Variants in PTPRM observed in about 807,000 individuals in gnomAD.
The protein encoded by PTPRM is receptor-type tyrosine-protein phosphatase mu.
PTPRM carries 47 observed loss-of-function variants against 186.7 expected under a neutral mutation model. The observed-to-expected ratio is 0.25, with a 90% confidence interval of 0.20 to 0.32. The LOEUF is 0.32. PTPRM is among the 10% of genes least tolerant of loss of function. The pLI, the probability that PTPRM is intolerant of heterozygous loss-of-function variation, is 1.00. For synonymous variants in PTPRM, 668 were observed against 674.9 expected (o/e 0.99, Z 0.16); for missense variants, 1,494 against 1,865.0 (o/e 0.80, Z 3.66).
intron 1 of PTPRM, among the ~76,000 whole-genome samples, chr18:7,730,871 G>C (rs1268612190): frequency 2.6e-5 from 4 of 152,126 alleles, no homozygotes; most frequent in African/African-American, 9.7e-5. Flanking sequence ...AAGGTTTCTG[G>C]CCTTCCCCTT....
intron 20 of PTPRM, among the ~76,000 whole-genome samples, chr18:8,305,192 A>G (rs909165314): frequency 6.6e-5 from 10 of 152,126 alleles, no homozygotes; most frequent in Admixed American, 4.6e-4. Flanking sequence ...TTTGCCCACC[A>G]TTCTTCAGTC....
chr18:8,271,939 C>T (rs887554325), intron 19 of PTPRM, among the ~76,000 whole-genome samples: 2 of 152,090 alleles, frequency 1.3e-5, no homozygotes, highest in African/African-American at 4.8e-5. Flanking sequence ...TGGCTGAGCG[C>T]AGTGGCTCAC....
chr18:8,006,409 A>T (rs1378419653), intron 7 of PTPRM, among the ~76,000 whole-genome samples: 2 of 152,158 alleles, frequency 1.3e-5, no homozygotes, highest in Non-Finnish European at 2.9e-5. Flanking sequence ...AGCAGGAAGC[A>T]TTTGCATATT....
chr18:7,864,753 T>TG (rs1207043541), intron 2 of PTPRM, among the ~76,000 whole-genome samples: 20 of 152,234 alleles, frequency 1.3e-4, no homozygotes, highest in Non-Finnish European at 2.8e-4. Flanking sequence ...GGTAGCTTGA[T>TG]GGGGATAGCA....
intron 3 of PTPRM, among the ~76,000 whole-genome samples, chr18:7,902,003 G>T (rs2049717081): frequency 6.6e-6 from 1 of 152,154 alleles, no homozygotes; most frequent in Admixed American, 6.5e-5. Context: ...TGACACAAAT[G>T]TATGACATAA....
At chr18:8,266,771 G>A (rs765706110) in intron 19 of PTPRM, among the ~76,000 whole-genome samples, 2 of 152,082 alleles carry the variant, frequency 1.3e-5, no homozygotes, top group African/African-American at 2.4e-5. Context: ...AGCCAGGTGT[G>A]GTGGCAGGTA....
chr18:7,927,859 G>A (rs1289191834), intron 5 of PTPRM, among the ~76,000 whole-genome samples: 3 of 152,100 alleles, frequency 2.0e-5, no homozygotes, highest in African/African-American at 7.2e-5. Flanking sequence ...TCCTGCCTCA[G>A]CCTCCCAAGT....
At chr18:8,322,087 T>C (rs2095349251) in intron 22 of PTPRM, among the ~76,000 whole-genome samples, 2 of 152,210 alleles carry the variant, frequency 1.3e-5, no homozygotes, top group African/African-American at 4.8e-5. Flanking sequence ...GCTCTATTTG[T>C]CCTGTGTTTT....
intron 1 of PTPRM, among the ~76,000 whole-genome samples, chr18:7,688,031 T>C (rs140399883): frequency 3.3e-5 from 5 of 152,210 alleles, no homozygotes; most frequent in East Asian, 1.9e-4. Flanking sequence ...CCGTCTCAGC[T>C]TCCCAAAGTG....
intron 2 of PTPRM, among the ~76,000 whole-genome samples, chr18:7,861,078 G>T (rs1037338200): frequency 4.6e-5 from 7 of 152,066 alleles, no homozygotes; most frequent in African/African-American, 1.7e-4. Context: ...ATGTCCCTCT[G>T]TTGGATGAGC....
At chr18:7,778,699 C>T (rs761920788) in intron 2 of PTPRM, among the ~76,000 whole-genome samples, 32 of 152,018 alleles carry the variant, frequency 2.1e-4, no homozygotes, top group Non-Finnish European at 3.8e-4. Flanking sequence ...AGGCTGGTCT[C>T]GACCTCTTGA....
chr18:8,305,018 G>T (rs1188479145), intron 20 of PTPRM, among the ~76,000 whole-genome samples: 2 of 152,072 alleles, frequency 1.3e-5, no homozygotes, highest in African/African-American at 4.8e-5. Context: ...ATACCTACAC[G>T]TACACCAATG....
At chr18:8,079,145 A>G (rs2089991907) in intron 9 of PTPRM, among the ~76,000 whole-genome samples, 2 of 152,156 alleles carry the variant, frequency 1.3e-5, no homozygotes, top group South Asian at 2.1e-4. Context: ...ACAGCCTTAC[A>G]TCATTCTTCT....
chr18:7,941,419 A>G (rs2146960395), intron 5 of PTPRM, among the ~76,000 whole-genome samples: 1 of 152,388 alleles, frequency 6.6e-6, no homozygotes, highest in South Asian at 2.1e-4. Flanking sequence ...TTAATGATGA[A>G]GATGATGCTA....
At chr18:7,820,685 A>G (rs927636236) in intron 2 of PTPRM, among the ~76,000 whole-genome samples, 1 of 151,958 alleles carries the variant, frequency 6.6e-6, no homozygotes, top group Non-Finnish European at 1.5e-5. Flanking sequence ...CAGGCCTCTT[A>G]TGTTGCCAGG....
rs148220369 is a variant in PTPRM at position 8,247,860 on chromosome 18, C to T, written c.2468C>T (p.Ser823Leu). The change falls in exon 16 of 33, where the codon TCG becomes TTG. Residue 823 changes from serine to leucine, a missense_variant. Transcript: ENST00000580170. ...NLNGRSVSSP[S>L]SFTMKTNTLS... ...TTATTTACAGCTGTGTCTTCACCAT[C>T]GTCCTTCACAATGAAAACAAATACA... 29 of 1,602,776 alleles carry T rather than the reference C, an allele frequency of 1.8e-5. No individual in the cohort carries two copies. The highest frequency in any genetic ancestry group is 2.2e-5 in the Non-Finnish European group (26 of 1,169,678).
intron 1 of PTPRM, among the ~76,000 whole-genome samples, chr18:7,717,064 A>C (rs183562041): frequency 6.6e-6 from 1 of 152,358 alleles, no homozygotes; most frequent in African/African-American, 2.4e-5. Flanking sequence ...ACTTGGAACC[A>C]ACCCAAATGC....
At chr18:8,071,450 T>C (rs942610304) in intron 8 of PTPRM, among the ~76,000 whole-genome samples, 1 of 152,246 alleles carries the variant, frequency 6.6e-6, no homozygotes, top group Non-Finnish European at 1.5e-5. Flanking sequence ...TCTATTCTAA[T>C]GTCCCCCTAC....
At chr18:8,390,859 C>T (rs907187806) in intron 31 of PTPRM, among the ~76,000 whole-genome samples, 3 of 151,666 alleles carry the variant, frequency 2.0e-5, no homozygotes, top group African/African-American at 4.8e-5. Context: ...ACCCGGGAGG[C>T]GGAGCTTGCA....
Sources: gnomAD v4.1 joint callset for allele counts (sites outside exome capture counted in the v4.1 genomes callset) on GRCh38, gnomAD v4.1.1 for gene constraint, MANE v1.5 for transcripts, NCBI Gene and HGNC (gene_info 2026-07-23, HGNC 2026-07-21) for gene names.